Variants in ZFHX3 observed in about 807,000 individuals in gnomAD.
ZFHX3 encodes zinc finger homeobox 3.
Under a neutral mutation model 279.1 loss-of-function variants are expected in ZFHX3, and 42 were observed. That is an observed-to-expected ratio of 0.15 (90% CI 0.12 to 0.19). The LOEUF is 0.19. Ranked by LOEUF, ZFHX3 falls within the 10% of genes least tolerant of loss-of-function variation. ZFHX3 has a pLI of 1.00. For synonymous variants in ZFHX3, 2,293 were observed against 1,957.8 expected (o/e 1.17, Z -4.52); for missense variants, 4,981 against 4,754.0 (o/e 1.05, Z -1.40).
chr16:72,833,606 G>C (rs1880010963), intron 4 of ZFHX3, among the ~76,000 whole-genome samples: 1 of 152,134 alleles, frequency 6.6e-6, no homozygotes, highest in Admixed American at 6.5e-5. Context: ...GCATTTAATG[G>C]TATTTCCAAT....
At chr16:73,870,022 T>G (rs886362699) in intron 1 of ZFHX3, among the ~76,000 whole-genome samples, 5 of 152,238 alleles carry the variant, frequency 3.3e-5, no homozygotes, top group Admixed American at 6.5e-5. Context: ...ATAAAGCTTC[T>G]TGAATCTTTG....
At chr16:73,209,304 G>T (rs2011920773) in intron 5 of ZFHX3, among the ~76,000 whole-genome samples, 1 of 152,106 alleles carries the variant, frequency 6.6e-6, no homozygotes. Context: ...GTCTGTTTGT[G>T]CTGCTAGAAC....
At chr16:73,430,422 C>T (rs1303011520) in intron 3 of ZFHX3, among the ~76,000 whole-genome samples, 2 of 152,174 alleles carry the variant, frequency 1.3e-5, no homozygotes, top group East Asian at 3.9e-4. Context: ...GCTACCTCAG[C>T]TACACCACAC....
intron 1 of ZFHX3, among the ~76,000 whole-genome samples, chr16:73,700,824 T>C: frequency 6.6e-6 from 1 of 152,210 alleles, no homozygotes; most frequent in East Asian, 1.9e-4. Flanking sequence ...AAGTGCAAGA[T>C]GTACTTTTAT....
intron 3 of ZFHX3, among the ~76,000 whole-genome samples, chr16:73,422,826 C>T (rs2017742460): frequency 6.6e-6 from 1 of 152,200 alleles, no homozygotes; most frequent in African/African-American, 2.4e-5. Context: ...AGACAATCCT[C>T]CTGGGTTAGT....
intron 1 of ZFHX3, among the ~76,000 whole-genome samples, chr16:73,011,733 A>C (rs573810278): frequency 1.6e-3 from 241 of 152,178 alleles, no homozygotes; most frequent in African/African-American, 5.3e-3. Flanking sequence ...AGGAAAAAAA[A>C]AAAATCACAA....
chr16:73,334,392 C>G (rs1374023070), intron 3 of ZFHX3, among the ~76,000 whole-genome samples: 1 of 152,162 alleles, frequency 6.6e-6, no homozygotes, highest in Non-Finnish European at 1.5e-5. Flanking sequence ...GCTGAAAACT[C>G]ATTAACTGCC....
rs760431174 is a variant in ZFHX3, at chr16:72,796,939, C to A, written c.5743G>T (p.Ala1915Ser). The change falls in exon 9 of 10, where the codon GCC becomes TCC. Residue 1915 changes from alanine to serine, a missense_variant. Transcript: ENST00000268489. ...PKETLPDALKAKEKKELAPGG... is the reference protein window; with the variant it reads ...PKETLPDALKSKEKKELAPGG... ...GGTGCCAACTCTTTCTTCTCTTTGG[C>A]CTTCAAGGCATCTGGCAGTGTTTCC... The A allele has an allele frequency of 3.1e-6, 5 of 1,613,876 alleles. No individual in the cohort carries two copies. The African/African-American group carries it at 4.0e-5, about 13-fold the overall frequency.
At chr16:73,587,971 G>A (rs2143835390) in intron 2 of ZFHX3, among the ~76,000 whole-genome samples, 1 of 152,078 alleles carries the variant, frequency 6.6e-6, no homozygotes, top group Non-Finnish European at 1.5e-5. Context: ...AGTACTTATG[G>A]AACATTTACA....
intron 1 of ZFHX3, among the ~76,000 whole-genome samples, chr16:72,991,113 C>T (rs1696289066): frequency 6.6e-6 from 1 of 152,120 alleles, no homozygotes; most frequent in Admixed American, 6.5e-5. Context: ...GCTTCATCTT[C>T]CATGACCTCA....
In ZFHX3 at chr16:73,595,726, A is replaced by C. The variant is rs74386792; in HGVS notation, c.-1547+84454T>G. ...CTTAAATATCTCCCAAGAGCCACAA[A>C]GTCACTTGAACTGACTTTACCATCT... On this transcript the variant is annotated intron_variant, in intron 2 of 17. Coordinates refer to the ZFHX3 transcript ENST00000641206. 6.6e-3 allele frequency among the ~76,000 whole-genome samples: 1,000 copies of C among 152,286 alleles called. 16 individuals are homozygous for C. The highest frequency in any genetic ancestry group is 0.023 in the African/African-American group (964 of 41,566).
intron 4 of ZFHX3, among the ~76,000 whole-genome samples, chr16:72,851,808 C>T (rs1007000052): frequency 1.3e-5 from 2 of 152,184 alleles, no homozygotes; most frequent in African/African-American, 4.8e-5. Flanking sequence ...ACCCCAGCCT[C>T]CCAAAGTGCT....
intron 1 of ZFHX3, among the ~76,000 whole-genome samples, chr16:73,847,389 G>C (rs1301810600): frequency 2.0e-5 from 3 of 152,152 alleles, no homozygotes; most frequent in Non-Finnish European, 2.9e-5. Flanking sequence ...GGGGGGATTT[G>C]GCTGGTCCCT....
At chr16:73,681,981 A>C (rs1249462547) in intron 1 of ZFHX3, among the ~76,000 whole-genome samples, 1 of 152,242 alleles carries the variant, frequency 6.6e-6, no homozygotes, top group Non-Finnish European at 1.5e-5. Flanking sequence ...TCTAGCTATG[A>C]GGATCAAGTG....
intron 2 of ZFHX3, among the ~76,000 whole-genome samples, chr16:73,517,910 A>T (rs1328806894): frequency 2.0e-5 from 3 of 152,210 alleles, no homozygotes; most frequent in East Asian, 1.9e-4. Context: ...TAAAAAACAT[A>T]AAAAAATAAG....
At chr16:73,175,713 T>C (rs754578459) in intron 5 of ZFHX3, among the ~76,000 whole-genome samples, 14 of 152,238 alleles carry the variant, frequency 9.2e-5, no homozygotes, top group Non-Finnish European at 1.9e-4. Context: ...CCCCTTTATA[T>C]GGCTGGCTCT....
At chr16:73,211,518 G>T (rs2012016233) in intron 5 of ZFHX3, among the ~76,000 whole-genome samples, 1 of 152,044 alleles carries the variant, frequency 6.6e-6, no homozygotes, top group Admixed American at 6.6e-5. Flanking sequence ...ACAAAGCACG[G>T]GGAAATATAC....
intron 1 of ZFHX3, among the ~76,000 whole-genome samples, chr16:72,980,952 A>AT (rs913545137): frequency 1.3e-4 from 19 of 150,888 alleles, no homozygotes; most frequent in Admixed American, 3.3e-4. Context: ...TTATACAGTA[A>AT]TTTTTTTTTT....
intron 4 of ZFHX3, among the ~76,000 whole-genome samples, chr16:73,313,064 G>GAAACA (rs2015362548): frequency 6.6e-6 from 1 of 152,102 alleles, no homozygotes; most frequent in South Asian, 2.1e-4. Flanking sequence ...GGATCATGGG[G>GAAACA]GCAGATTTCC....
Sources: allele counts gnomAD v4.1 joint callset (sites outside exome capture counted in the v4.1 genomes callset), GRCh38; gene constraint gnomAD v4.1.1; transcripts MANE v1.5; gene names NCBI Gene and HGNC (gene_info 2026-07-23, HGNC 2026-07-21).